The following VIPR2 variants were observed in gnomAD, a reference collection of about 807,000 sequenced individuals.
VIPR2 encodes the protein vasoactive intestinal peptide receptor 2.
Under a neutral mutation model 58.0 loss-of-function variants are expected in VIPR2, and 48 were observed. The ratio of observed to expected loss-of-function variants is 0.83; its 90% CI spans 0.66 to 1.05. VIPR2 has a LOEUF of 1.05. Ranked by LOEUF, VIPR2 falls within the 50% of genes least tolerant of loss-of-function variation. The pLI is 0.00. For missense variants in VIPR2, 534 were observed against 558.0 expected (o/e 0.96, Z 0.43); for synonymous variants, 243 against 235.2 (o/e 1.03, Z -0.30).
intron 4 of VIPR2, among the ~76,000 whole-genome samples, chr7:159,062,121 G>A (rs780295351): frequency 1.7e-4 from 26 of 152,304 alleles, no homozygotes; most frequent in African/African-American, 6.0e-4. Context: ...AGAACTGGCC[G>A]GATCCCAACA....
rs1466669628 is a variant in VIPR2, at chr7:159,095,221, C to T, written c.357+8536G>A. 2.0e-5 allele frequency among the ~76,000 whole-genome samples: 3 copies of T among 152,180 alleles called. No individual in the cohort carries two copies. The highest frequency in any genetic ancestry group is 2.9e-5 in the Non-Finnish European group (2 of 68,042). Reference sequence around the variant, plus strand: ...TATGACAGCATTAGTGAAAATGGGACATTTCCTAAATTTGATGACACTACT... The same window carrying T: ...TATGACAGCATTAGTGAAAATGGGATATTTCCTAAATTTGATGACACTACT... On this transcript the variant is annotated intron_variant, in intron 4 of 12. Coordinates refer to ENST00000262178, the MANE Select transcript of VIPR2 (RefSeq NM_003382.5). The surrounding 1 kb of genome is among the most constrained non-coding windows in gnomAD (Gnocchi z 5.2).
At position 159,109,798 on chromosome 7, in the gene VIPR2, C is replaced by T. The variant is rs961081191; in HGVS notation, c.259+14G>A. On this transcript the variant is annotated intron_variant, in intron 3 of 12. Coordinates refer to ENST00000262178, the MANE Select transcript of VIPR2 (RefSeq NM_003382.5). Reference sequence around the variant, plus strand: ...ACCCTGGAGGAGCTCAGGAACTCAACCGACGGACAGTACCTGCTTTGCTGT... The same window carrying T: ...ACCCTGGAGGAGCTCAGGAACTCAATCGACGGACAGTACCTGCTTTGCTGT... The T allele has an allele frequency of 6.2e-7, 1 of 1,613,642 alleles. No individual in the cohort carries two copies. Among genetic ancestry groups the T allele is most frequent in the Non-Finnish European group, 8.5e-7 (1 of 1,179,552 alleles).
intron 4 of VIPR2, among the ~76,000 whole-genome samples, chr7:159,079,636 T>C (rs1346764798): frequency 6.6e-6 from 1 of 151,678 alleles, no homozygotes; most frequent in Non-Finnish European, 1.5e-5. Flanking sequence ...CTGAAGGAAA[T>C]AGAGACACAA....
At chr7:159,062,414 TCGG>T in intron 4 of VIPR2, among the ~76,000 whole-genome samples, 1 of 152,324 alleles carries the variant, frequency 6.6e-6, no homozygotes, top group Non-Finnish European at 1.5e-5. Flanking sequence ...CTTCTGATGT[TCGG>T]ACATGTTTAG....
At chr7:159,078,225 C>T (rs1856740316) in intron 4 of VIPR2, among the ~76,000 whole-genome samples, 1 of 152,206 alleles carries the variant, frequency 6.6e-6, no homozygotes, top group Admixed American at 6.5e-5. Context: ...TCTATTAAAT[C>T]TCAACTGGCT....
intron 7 of VIPR2, among the ~76,000 whole-genome samples, 163 bp from the exon 8 acceptor site, chr7:159,036,175 G>A (rs920928743): frequency 1.3e-5 from 2 of 152,232 alleles, no homozygotes; most frequent in African/African-American, 4.8e-5. Flanking sequence ...TTATGCTCAT[G>A]CCTTAGTAAG....
intron 6 of VIPR2, among the ~76,000 whole-genome samples, chr7:159,041,166 C>T (rs1009252570): frequency 2.0e-5 from 3 of 152,240 alleles, no homozygotes; most frequent in African/African-American, 7.2e-5. Flanking sequence ...TGAGTGTTCA[C>T]CCAGTGTCCA....
At chr7:159,081,582 C>G (rs1323014426) in intron 4 of VIPR2, among the ~76,000 whole-genome samples, 1 of 152,102 alleles carries the variant, frequency 6.6e-6, no homozygotes, top group Non-Finnish European at 1.5e-5. Flanking sequence ...TCTAAAACAC[C>G]AAAAGCAATG....
At chr7:159,057,087 C>A (rs1039128607) in intron 5 of VIPR2, among the ~76,000 whole-genome samples, 32 of 152,222 alleles carry the variant, frequency 2.1e-4, no homozygotes, top group African/African-American at 7.2e-4. Flanking sequence ...TCATGCTGTA[C>A]ATATGTGAAG....
At chr7:159,064,182 G>A (rs1306426051) in intron 4 of VIPR2, among the ~76,000 whole-genome samples, 1 of 152,092 alleles carries the variant, frequency 6.6e-6, no homozygotes. Flanking sequence ...GCGGCTGCTG[G>A]GGTGGGAGAG....
rs1262760576 is a variant in VIPR2 at position 159,128,752 on chromosome 7, C to T, written c.151+13694G>A. Among the ~76,000 whole-genome samples the T allele has an allele frequency of 6.6e-6, 1 of 152,192 alleles. No homozygotes were observed. The highest frequency in any genetic ancestry group is 1.5e-5 in the Non-Finnish European group (1 of 68,032). ...AGAAATGACGGCTCCATGGACCTTCCTGAAACACAGCTCACATGCGAACCC... is the reference window on the plus strand; with the variant it reads ...AGAAATGACGGCTCCATGGACCTTCTTGAAACACAGCTCACATGCGAACCC... On this transcript the variant is annotated intron_variant, in intron 2 of 12. Transcript: ENST00000262178. The surrounding 1 kb of genome is among the most constrained non-coding windows in gnomAD (Gnocchi z 4.1).
At chr7:159,071,243 C>T (rs756189250) in intron 4 of VIPR2, among the ~76,000 whole-genome samples, 1 of 152,186 alleles carries the variant, frequency 6.6e-6, no homozygotes, top group Non-Finnish European at 1.5e-5. Flanking sequence ...TTAGAGGTGG[C>T]CAAGCCAGCT....
chr7:159,087,002 T>C (rs1857211230), intron 4 of VIPR2, among the ~76,000 whole-genome samples: 1 of 152,186 alleles, frequency 6.6e-6, no homozygotes, highest in Admixed American at 6.5e-5. Context: ...AGGATCCCCA[T>C]AGTGAGATAC....
intron 4 of VIPR2, among the ~76,000 whole-genome samples, chr7:159,102,914 G>A (rs1480115584): frequency 6.6e-6 from 1 of 152,226 alleles, no homozygotes; most frequent in Admixed American, 6.5e-5. Context: ...ACACACCTCT[G>A]GCTGCAGGTT....
chr7:159,084,337 G>A (rs577782541), intron 4 of VIPR2, among the ~76,000 whole-genome samples: 1 of 152,234 alleles, frequency 6.6e-6, no homozygotes. Context: ...GGGAAATAGC[G>A]AGTGATGGGG....
At chr7:159,039,640 C>A (rs936642430) in intron 6 of VIPR2, among the ~76,000 whole-genome samples, 2 of 110,098 alleles carry the variant, frequency 1.8e-5, no homozygotes, top group African/African-American at 6.7e-5. Flanking sequence ...TGTAAAGGGA[C>A]CCCAGCAACA....
At chr7:159,108,252 C>T (rs1391657104) in intron 3 of VIPR2, among the ~76,000 whole-genome samples, 1 of 152,238 alleles carries the variant, frequency 6.6e-6, no homozygotes, top group African/African-American at 2.4e-5. Context: ...CTGCTCGGCC[C>T]CCAGTCGCAT....
chr7:159,094,154 C>T (rs144616955), intron 4 of VIPR2, among the ~76,000 whole-genome samples: 1 of 152,230 alleles, frequency 6.6e-6, no homozygotes, highest in African/African-American at 2.4e-5. Flanking sequence ...CTCCTCCCCT[C>T]TGCTCCATCC....
chr7:159,030,524 C>G lies in VIPR2; in HGVS notation c.*92G>C, dbSNP rs905475168. 3 of 1,430,542 alleles carry G rather than the reference C, an allele frequency of 2.1e-6. No homozygotes were observed. The highest frequency in any genetic ancestry group is 5.2e-5 in the Admixed American group (2 of 38,116). The allele number at this position is 1,430,542 out of a possible 1,614,324, so 88.6% of individuals were successfully genotyped here. A position where few individuals can be genotyped will look rare whatever the true frequency, so the allele number is the denominator to read the frequency against. ...CCGCGCTGACCTGCCCGACACGGTG[C>G]TCGGGCATCTGGAAGGAGGAAGCCG... On this transcript the variant is annotated 3_prime_UTR_variant, in exon 13 of 13. Transcript: ENST00000262178.
Sources: gnomAD v4.1 joint callset for allele counts (sites outside exome capture counted in the v4.1 genomes callset) on GRCh38, gnomAD v4.1.1 for gene constraint, Gnocchi (gnomAD v3.1) non-coding constraint, MANE v1.5 for transcripts, NCBI Gene and HGNC (gene_info 2026-07-23, HGNC 2026-07-21) for gene names.